The following ALPK1 variants were observed in gnomAD, a reference collection of about 807,000 sequenced individuals.
The protein encoded by ALPK1 is alpha kinase 1.
A neutral mutation model predicts 120.6 loss-of-function variants in ALPK1; 110 were observed. That is an observed-to-expected ratio of 0.91 (90% CI 0.78 to 1.07). The LOEUF is 1.07. Among genes scored for constraint, ALPK1 ranks in the 50% least tolerant of loss-of-function variants. The pLI is 0.00. For synonymous variants in ALPK1, 582 were observed against 560.3 expected (o/e 1.04, Z -0.55); for missense variants, 1,498 against 1,483.9 (o/e 1.01, Z -0.16).
In ALPK1 at chr4:112,298,005, G is replaced by A. The variant is rs147789822; in HGVS notation, c.-153+536G>A. On this transcript the variant is annotated intron_variant, in intron 1 of 15. Transcript: ENST00000650871. ...GTGAATTGACGGGAATTCTGAGTGCGTGGAAGCATTGTTTAGAGACAAAGC... is the reference window on the plus strand; with the variant it reads ...GTGAATTGACGGGAATTCTGAGTGCATGGAAGCATTGTTTAGAGACAAAGC... 3.2e-3 allele frequency among the ~76,000 whole-genome samples: 489 copies of A among 152,238 alleles called. 1 individual carries two copies. The highest frequency in any genetic ancestry group is 0.011 in the African/African-American group (466 of 41,544).
At chr4:112,354,232 T>C (rs1730494926) in intron 2 of ALPK1, among the ~76,000 whole-genome samples, 1 of 152,218 alleles carries the variant, frequency 6.6e-6, no homozygotes, top group Non-Finnish European at 1.5e-5. Flanking sequence ...CCTTACGATT[T>C]GCTTGTTTTT....
At chr4:112,320,897 C>CTT (rs397941407) in intron 2 of ALPK1, among the ~76,000 whole-genome samples, 12,874 of 123,506 alleles carry the variant, frequency 0.1, 1,188 homozygotes, top group East Asian at 0.24. Flanking sequence ...CCATTTCTTT[C>CTT]TTTTTTTTTT....
chr4:112,303,334 A>G (rs910494026), intron 1 of ALPK1, among the ~76,000 whole-genome samples: 1 of 152,150 alleles, frequency 6.6e-6, no homozygotes, highest in East Asian at 1.9e-4. Context: ...CATTTTCAAA[A>G]TTGGATTCAT....
At chr4:112,412,119 A>C in intron 5 of ALPK1, 94 bp downstream of exon 5, 3 of 1,485,426 alleles carry the variant, frequency 2.0e-6, no homozygotes, top group South Asian at 1.2e-5. Context: ...CACCCGGAGC[A>C]CCCGGGCCCT....
At chr4:112,351,693 C>T (rs13116938) in intron 2 of ALPK1, among the ~76,000 whole-genome samples, 4,095 of 152,138 alleles carry the variant, frequency 0.027, 76 homozygotes, top group Non-Finnish European at 0.041. Context: ...AGGCTGGTCT[C>T]GAACTTCTGA....
intron 2 of ALPK1, among the ~76,000 whole-genome samples, chr4:112,326,279 G>A (rs10018567): frequency 0.1 from 15,614 of 152,104 alleles, 1,244 homozygotes; most frequent in African/African-American, 0.21. Flanking sequence ...CAAGCCATGC[G>A]TTGTGCTAAG....
intron 2 of ALPK1, among the ~76,000 whole-genome samples, chr4:112,350,342 T>G (rs994458196): frequency 6.6e-6 from 1 of 152,202 alleles, no homozygotes; most frequent in East Asian, 1.9e-4. Context: ...ATCAAAATAA[T>G]GCAATGCTTC....
intron 6 of ALPK1, chr4:112,424,936 C>T (rs955171800): frequency 2.0e-5 from 3 of 152,286 alleles, no homozygotes; most frequent in Non-Finnish European, 4.4e-5. Flanking sequence ...ACTTTTGCCT[C>T]ACACTGGACA....
chr4:112,395,967 A>AT (rs902893287), intron 4 of ALPK1, among the ~76,000 whole-genome samples: 8 of 152,180 alleles, frequency 5.3e-5, no homozygotes, highest in Admixed American at 2.0e-4. Context: ...TAATCAGAGG[A>AT]TTTTTTTTAA....
At chr4:112,380,638 A>T (rs1042648058) in intron 3 of ALPK1, among the ~76,000 whole-genome samples, 1 of 151,938 alleles carries the variant, frequency 6.6e-6, no homozygotes, top group African/African-American at 2.4e-5. Flanking sequence ...TTTCTGTCAT[A>T]TCTCTTTTGC....
At chr4:112,409,087 A>G (rs772255401) in intron 4 of ALPK1, among the ~76,000 whole-genome samples, 3 of 152,154 alleles carry the variant, frequency 2.0e-5, no homozygotes, top group Non-Finnish European at 4.4e-5. Flanking sequence ...CTATCCTTCA[A>G]CAACAGGCAA....
At position 112,442,577 on chromosome 4, in the gene ALPK1, C is replaced by T. The variant is rs112038337; in HGVS notation, c.*1367C>T. 0.046 allele frequency: 6,989 copies of T among 151,574 alleles called. 193 individuals are homozygous for T. Among genetic ancestry groups the T allele is most frequent in the Middle Eastern group, 0.1 (30 of 296 alleles). The allele number at this position is 151,574 out of a possible 1,614,324, so 9.4% of individuals were successfully genotyped here. A position where few individuals can be genotyped will look rare whatever the true frequency, so the allele number is the denominator to read the frequency against. ...AACAAACCCCCATGACACAAACCTG[C>T]ACATGTACCCCTGAACTTAAAATAA... On this transcript the variant is annotated 3_prime_UTR_variant, in exon 16 of 16. Coordinates refer to ENST00000650871, the MANE Select transcript of ALPK1 (RefSeq NM_025144.4).
intron 2 of ALPK1, among the ~76,000 whole-genome samples, chr4:112,368,864 A>G (rs530287376): frequency 6.6e-6 from 1 of 152,142 alleles, no homozygotes; most frequent in African/African-American, 2.4e-5. Context: ...TGGGGTGTGC[A>G]GTCTCCACTT....
chr4:112,316,474 T>C (rs1333607017), intron 2 of ALPK1, among the ~76,000 whole-genome samples: 3 of 152,236 alleles, frequency 2.0e-5, no homozygotes, highest in Non-Finnish European at 4.4e-5. Context: ...GACATGGGTA[T>C]ATAAATATCT....
At chr4:112,333,504 A>C (rs934637206) in intron 2 of ALPK1, among the ~76,000 whole-genome samples, 6 of 152,176 alleles carry the variant, frequency 3.9e-5, no homozygotes, top group Admixed American at 2.6e-4. Context: ...ACATTATACT[A>C]ATTTCTAACA....
chr4:112,355,812 G>A (rs1730578270), intron 2 of ALPK1, among the ~76,000 whole-genome samples: 1 of 152,232 alleles, frequency 6.6e-6, no homozygotes, highest in Non-Finnish European at 1.5e-5. Context: ...AGTGGGGGCG[G>A]AAGTGCACCG....
chr4:112,320,129 A>G (rs1312731782), intron 2 of ALPK1, among the ~76,000 whole-genome samples: 1 of 152,172 alleles, frequency 6.6e-6, no homozygotes, highest in African/African-American at 2.4e-5. Flanking sequence ...TCCAGATCTC[A>G]GGGGGAATGC....
chr4:112,436,850 A>G (rs1734810221), intron 12 of ALPK1, among the ~76,000 whole-genome samples: 1 of 152,228 alleles, frequency 6.6e-6, no homozygotes, highest in South Asian at 2.1e-4. Context: ...AGATGAGAAT[A>G]AATTGAGAAT....
chr4:112,300,023 A>G (rs895923738), intron 1 of ALPK1, among the ~76,000 whole-genome samples: 4 of 152,170 alleles, frequency 2.6e-5, no homozygotes, highest in African/African-American at 9.7e-5. Context: ...CTGGGAATCC[A>G]TCCTAAGGGG....
Sources: gnomAD v4.1 joint callset for allele counts (sites outside exome capture counted in the v4.1 genomes callset) on GRCh38, gnomAD v4.1.1 for gene constraint, MANE v1.5 for transcripts, NCBI Gene and HGNC (gene_info 2026-07-23, HGNC 2026-07-21) for gene names.